Variants in TCF7L1 observed in about 807,000 individuals in gnomAD.
The protein encoded by TCF7L1 is transcription factor 7-like 1.
A neutral mutation model predicts 63.7 loss-of-function variants in TCF7L1; 18 were observed. That is an observed-to-expected ratio of 0.28 (90% CI 0.20 to 0.42). TCF7L1 has a LOEUF of 0.42. Among genes scored for constraint, TCF7L1 ranks in the 10% least tolerant of loss-of-function variants. The pLI, the probability that TCF7L1 is intolerant of heterozygous loss-of-function variation, is 1.00. For synonymous variants in TCF7L1, 355 were observed against 340.9 expected, an observed-to-expected ratio of 1.04 and a Z score of -0.46; for missense variants, 654 against 779.3, an observed-to-expected ratio of 0.84 and a Z score of 1.91.
chr2:85,249,210 A>G (rs1464409689), intron 3 of TCF7L1, among the ~76,000 whole-genome samples: 1 of 152,168 alleles, frequency 6.6e-6, no homozygotes, highest in Non-Finnish European at 1.5e-5. Context: ...TCCCTTTGGA[A>G]TTTCCATCTG....
chr2:85,241,605 C>T (rs2104325079), intron 3 of TCF7L1, among the ~76,000 whole-genome samples: 1 of 151,880 alleles, frequency 6.6e-6, no homozygotes, highest in Admixed American at 6.6e-5. Context: ...GCCACCATGC[C>T]CAGCTAATTT....
intron 3 of TCF7L1, among the ~76,000 whole-genome samples, chr2:85,195,254 G>C (rs1679128056): frequency 6.6e-6 from 1 of 152,252 alleles, no homozygotes; most frequent in African/African-American, 2.4e-5. Flanking sequence ...GTTGGTAGGT[G>C]AAAAGAACCA....
At chr2:85,247,555 T>G (rs1680494304) in intron 3 of TCF7L1, among the ~76,000 whole-genome samples, 2 of 152,244 alleles carry the variant, frequency 1.3e-5, no homozygotes, top group Admixed American at 1.3e-4. Flanking sequence ...ATGGACTTTT[T>G]TCTGCTAGCA....
intron 3 of TCF7L1, among the ~76,000 whole-genome samples, chr2:85,173,231 T>C (rs1172908727): frequency 2.0e-5 from 3 of 152,308 alleles, no homozygotes; most frequent in Non-Finnish European, 4.4e-5. Flanking sequence ...GGGTGACTGA[T>C]TGAAACTATT....
chr2:85,272,029 G>C (rs1324274239), intron 3 of TCF7L1, among the ~76,000 whole-genome samples: 5 of 152,176 alleles, frequency 3.3e-5, no homozygotes, highest in African/African-American at 1.2e-4. Context: ...GTGGTTTGCA[G>C]CCCACTACCA....
intron 3 of TCF7L1, among the ~76,000 whole-genome samples, chr2:85,161,340 C>T (rs373880397): frequency 1.3e-5 from 2 of 152,190 alleles, no homozygotes; most frequent in South Asian, 4.1e-4. Flanking sequence ...GGCGCCTGAA[C>T]TTGAAGTGAT....
rs1324397758 is a variant in TCF7L1 at position 85,134,570 on chromosome 2, T to C, written c.441+120T>C. On this transcript the variant is annotated intron_variant, in intron 3 of 11. Coordinates refer to ENST00000282111, the MANE Select transcript of TCF7L1 (RefSeq NM_031283.3). This position sits in a 1 kb window ranked among gnomAD's most constrained non-coding sequence, Gnocchi z 5.0. ...TGCGCCGATCCCAAGCAGAACTTGT[T>C]TGCGGAGTTGAACTACTCTCTGGCG... The C allele has an allele frequency of 7.1e-7, 1 of 1,406,192 alleles. No homozygotes were observed. Among genetic ancestry groups the C allele is most frequent in the African/African-American group, 1.4e-5 (1 of 69,164 alleles). The allele number at this position is 1,406,192 out of a possible 1,614,324, so 87.1% of individuals were successfully genotyped here.
chr2:85,211,683 G>A (rs1679549500), intron 3 of TCF7L1, among the ~76,000 whole-genome samples: 1 of 152,240 alleles, frequency 6.6e-6, no homozygotes, highest in African/African-American at 2.4e-5. Flanking sequence ...ACATGGCAGT[G>A]CCTGGTCTGG....
intron 4 of TCF7L1, among the ~76,000 whole-genome samples, chr2:85,286,257 A>T (rs1445807791): frequency 6.6e-6 from 1 of 151,304 alleles, no homozygotes; most frequent in Non-Finnish European, 1.5e-5. Flanking sequence ...TGTGAGGCTG[A>T]GGCAGGAGAA....
intron 4 of TCF7L1, among the ~76,000 whole-genome samples, chr2:85,290,722 T>C (rs957901729): frequency 1.3e-5 from 2 of 152,078 alleles, no homozygotes; most frequent in Non-Finnish European, 2.9e-5. Flanking sequence ...AGTGAGTGAG[T>C]GTGAATGTGT....
At chr2:85,308,101 G>C (rs1349864175) in intron 11 of TCF7L1, among the ~76,000 whole-genome samples, 1 of 152,098 alleles carries the variant, frequency 6.6e-6, no homozygotes, top group Non-Finnish European at 1.5e-5. Flanking sequence ...GGGGAGCCCG[G>C]GTTTCCTTGG....
rs201003548 is a variant in TCF7L1, at chr2:85,226,813, C to G, written c.442-56682C>G. Among the ~76,000 whole-genome samples the G allele has an allele frequency of 5.8e-4, 86 of 147,678 alleles. No homozygotes were observed. The East Asian group carries it at 0.016, about 27-fold the overall frequency. On this transcript the variant is annotated intron_variant, in intron 3 of 11. Coordinates refer to ENST00000282111, the MANE Select transcript of TCF7L1 (RefSeq NM_031283.3). ...TCTTCCCTTTCTGTTTATCTCCCCC[C>G]GCCTTTTTTTTTTTTTTTTTTAACC...
intron 3 of TCF7L1, among the ~76,000 whole-genome samples, chr2:85,191,463 G>A (rs963448880): frequency 1.3e-5 from 2 of 152,210 alleles, no homozygotes; most frequent in Admixed American, 1.3e-4. Context: ...TATAGAAGTG[G>A]GATGGCACCT....
At chr2:85,140,232 A>G (rs1037109347) in intron 3 of TCF7L1, among the ~76,000 whole-genome samples, 1 of 152,102 alleles carries the variant, frequency 6.6e-6, no homozygotes, top group Non-Finnish European at 1.5e-5. Flanking sequence ...TGCTTACTGA[A>G]TATTTTGGCG....
Position 85,184,961 on chromosome 2 carries a change from G to A in TCF7L1, c.441+50511G>A, listed in dbSNP as rs575719422. On this transcript the variant is annotated intron_variant, in intron 3 of 11. Transcript: ENST00000282111. ...TTTCTGACTGAAACAAGCTCAGAGA[G>A]TCAAGGGCCTGGCCCAGGGTGTCAC... Among the ~76,000 whole-genome samples the A allele has an allele frequency of 3.9e-5, 6 of 152,328 alleles. No individual in the cohort carries two copies. The South Asian group carries it at 1.0e-3, about 26-fold the overall frequency.
chr2:85,215,702 G>T (rs1414823139), intron 3 of TCF7L1, among the ~76,000 whole-genome samples: 9 of 142,262 alleles, frequency 6.3e-5, no homozygotes, highest in African/African-American at 2.3e-4. Context: ...CTAATTGTTT[G>T]CAGAGAAGAG....
intron 4 of TCF7L1, among the ~76,000 whole-genome samples, chr2:85,289,054 C>G (rs1681625018): frequency 6.6e-6 from 1 of 152,126 alleles, no homozygotes; most frequent in African/African-American, 2.4e-5. Flanking sequence ...AAGATCCAAC[C>G]CCTTTTTTCA....
intron 3 of TCF7L1, among the ~76,000 whole-genome samples, chr2:85,241,707 A>AG (rs1680337422): frequency 6.6e-6 from 1 of 152,132 alleles, no homozygotes. Context: ...GGCCTCCTAA[A>AG]GTGCTGGGAT....
At chr2:85,237,774 A>T (rs1424769774) in intron 3 of TCF7L1, among the ~76,000 whole-genome samples, 11 of 4,434 alleles carry the variant, frequency 2.5e-3, no homozygotes, top group Admixed American at 0.017. Context: ...ATGAAGAAGG[A>T]GGGAGGGGGC....
Sources: gnomAD v4.1 joint callset for allele counts (sites outside exome capture counted in the v4.1 genomes callset) on GRCh38, gnomAD v4.1.1 for gene constraint, Gnocchi (gnomAD v3.1) non-coding constraint, MANE v1.5 for transcripts, NCBI Gene and HGNC (gene_info 2026-07-23, HGNC 2026-07-21) for gene names.